CHSY3: variants seen among roughly 807,000 people sequenced by gnomAD.
CHSY3 encodes N-acetylgalactosaminyl-proteoglycan 3-beta-glucuronosyltransferase 3.
In CHSY3, 35 loss-of-function variants were observed where a neutral mutation model predicts 67.2. The ratio of observed to expected loss-of-function variants is 0.52; its 90% CI spans 0.40 to 0.69. The LOEUF (loss-of-function observed/expected upper bound fraction) is 0.69. Among genes scored for constraint, CHSY3 ranks in the 30% least tolerant of loss-of-function variants. The pLI is 0.00. For synonymous variants in CHSY3, 474 were observed against 434.7 expected (o/e 1.09, Z -1.12); for missense variants, 1,069 against 1,138.5 (o/e 0.94, Z 0.88).
chr5:130,091,109 G>T (rs796818399), intron 2 of CHSY3, among the ~76,000 whole-genome samples: 2 of 109,270 alleles, frequency 1.8e-5, no homozygotes, highest in Non-Finnish European at 3.5e-5. Context: ...GAACTTAAAC[G>T]CAACACACAC....
intron 2 of CHSY3, among the ~76,000 whole-genome samples, chr5:129,908,592 G>A (rs989912595): frequency 2.0e-5 from 3 of 151,966 alleles, no homozygotes; most frequent in African/African-American, 7.3e-5. Flanking sequence ...CTATACTTAT[G>A]GCCACATCTC....
chr5:130,075,887 T>C (rs1252320896), intron 2 of CHSY3, among the ~76,000 whole-genome samples: 1 of 152,148 alleles, frequency 6.6e-6, no homozygotes, highest in Non-Finnish European at 1.5e-5. Context: ...TATCATGTTT[T>C]CAAAAAGTAC....
At chr5:129,987,199 G>A (rs1044035408) in intron 2 of CHSY3, among the ~76,000 whole-genome samples, 1 of 152,140 alleles carries the variant, frequency 6.6e-6, no homozygotes, top group East Asian at 1.9e-4. Context: ...ATTCAGCTTG[G>A]TGGTAGAAGG....
intron 2 of CHSY3, among the ~76,000 whole-genome samples, chr5:130,104,373 C>T (rs1308592823): frequency 6.6e-6 from 1 of 151,822 alleles, no homozygotes; most frequent in Non-Finnish European, 1.5e-5. Flanking sequence ...AATTAACACC[C>T]TTGATCAAAT....
intron 2 of CHSY3, among the ~76,000 whole-genome samples, chr5:129,925,224 A>G (rs972175922): frequency 1.3e-4 from 20 of 152,160 alleles, no homozygotes; most frequent in African/African-American, 4.6e-4. Flanking sequence ...GAATATCTAG[A>G]CTAAGGCCTT....
intron 2 of CHSY3, 85 bp from the exon 3 acceptor site, chr5:130,184,144 A>T (rs1396028936): frequency 7.9e-7 from 1 of 1,260,310 alleles, no homozygotes; most frequent in East Asian, 2.8e-5. Context: ...TAACATTTTC[A>T]TTTAGATGCT....
rs73239973 is a variant in CHSY3 at position 129,906,216 on chromosome 5, A to G, written c.802+585A>G. On this transcript the variant is annotated intron_variant, in intron 1 of 2. Transcript: ENST00000305031. Reference sequence around the variant, plus strand: ...TCCCTTCCCTTTGGCTCAACTCTCCACATACTGGGAGTCCTTGGCCATCCC... The same window carrying G: ...TCCCTTCCCTTTGGCTCAACTCTCCGCATACTGGGAGTCCTTGGCCATCCC... Among the ~76,000 whole-genome samples the G allele has an allele frequency of 9.7e-3, 1,468 of 151,894 alleles. 22 individuals are homozygous for G. Among genetic ancestry groups the G allele is most frequent in the African/African-American group, 0.034 (1,391 of 41,402 alleles).
At chr5:129,972,994 ATGG>A (rs2149615190) in intron 2 of CHSY3, among the ~76,000 whole-genome samples, 1 of 152,022 alleles carries the variant, frequency 6.6e-6, no homozygotes, top group African/African-American at 2.4e-5. Flanking sequence ...ATGCTTTTTC[ATGG>A]TGAGTTTTAT....
At chr5:130,100,996 G>C (rs1450338136) in intron 2 of CHSY3, among the ~76,000 whole-genome samples, 1 of 152,186 alleles carries the variant, frequency 6.6e-6, no homozygotes, top group Non-Finnish European at 1.5e-5. Context: ...GGTCGCCCCA[G>C]AGGTATAAAT....
intron 2 of CHSY3, among the ~76,000 whole-genome samples, chr5:130,183,136 A>T (rs998392976): frequency 7.4e-5 from 11 of 148,236 alleles, no homozygotes; most frequent in South Asian, 4.3e-4. Flanking sequence ...CCTTCTTTTT[A>T]TTGTTCATAA....
At chr5:130,067,554 T>G (rs1470755371) in intron 2 of CHSY3, among the ~76,000 whole-genome samples, 1 of 152,100 alleles carries the variant, frequency 6.6e-6, no homozygotes, top group Non-Finnish European at 1.5e-5. Flanking sequence ...TTAGCAGAGT[T>G]AAAGCAGTAA....
chr5:130,185,146 C>T lies in CHSY3; in HGVS notation c.2004C>T (p.Ser668=). ...LFSRDSGQDS[S]KHIELIKGYQ... is the part of the protein sequence containing the mutation. ...GTAGGGATTCTGGCCAAGACTCCAG[C>T]AAGCATATTGAGCTGATAAAAGGGT... is the stretch of plus-strand genomic sequence containing the variant. The change falls in exon 3 of 3, where the codon AGC becomes AGT. Residue 668 remains serine, a synonymous_variant. Coordinates refer to ENST00000305031, the MANE Select transcript of CHSY3 (RefSeq NM_175856.5). 1 of 1,602,130 alleles carries T rather than the reference C, an allele frequency of 6.2e-7. No individual in the cohort carries two copies. Among genetic ancestry groups the T allele is most frequent in the South Asian group, 1.1e-5 (1 of 90,840 alleles).
intron 2 of CHSY3, among the ~76,000 whole-genome samples, chr5:130,118,414 C>T (rs1238886467): frequency 6.6e-6 from 1 of 151,948 alleles, no homozygotes; most frequent in East Asian, 1.9e-4. Flanking sequence ...TGCACATCTA[C>T]AATTACTACA....
At chr5:129,996,777 C>T (rs1252278644) in intron 2 of CHSY3, among the ~76,000 whole-genome samples, 2 of 152,002 alleles carry the variant, frequency 1.3e-5, no homozygotes, top group Non-Finnish European at 2.9e-5. Flanking sequence ...ACACACACTC[C>T]TACATCATTT....
chr5:130,114,909 G>A (rs1767734922), intron 2 of CHSY3, among the ~76,000 whole-genome samples: 1 of 152,086 alleles, frequency 6.6e-6, no homozygotes, highest in Non-Finnish European at 1.5e-5. Context: ...GACTCCTGAA[G>A]ATGCCACTCA....
intron 2 of CHSY3, among the ~76,000 whole-genome samples, chr5:130,168,697 A>G (rs1769816621): frequency 6.6e-6 from 1 of 152,058 alleles, no homozygotes; most frequent in Non-Finnish European, 1.5e-5. Context: ...TTACTTTATT[A>G]AAAATTAATT....
At chr5:130,172,937 A>G (rs1769935963) in intron 2 of CHSY3, among the ~76,000 whole-genome samples, 1 of 152,202 alleles carries the variant, frequency 6.6e-6, no homozygotes, top group African/African-American at 2.4e-5. Flanking sequence ...GGATTTCAAA[A>G]GGAAAAGAAA....
In CHSY3 at chr5:130,000,736, T is replaced by C. The variant is rs1395282150; in HGVS notation, c.1086+92376T>C. On this transcript the variant is annotated intron_variant, in intron 2 of 2. Transcript: ENST00000305031. ...TACAAATGTGTAACTTTTCTTCTTT[T>C]TTTTTTTTTTTTTTTTTTTTTTGTA... 3.8e-4 allele frequency among the ~76,000 whole-genome samples: 48 copies of C among 126,524 alleles called. No homozygotes were observed. In the East Asian group the frequency reaches 4.4e-3, roughly 12 times the overall value. The allele number at this position is 126,524 out of a possible 152,430, so 83.0% of individuals were successfully genotyped here.
intron 2 of CHSY3, among the ~76,000 whole-genome samples, chr5:129,925,178 C>T (rs889057786): frequency 1.3e-5 from 2 of 152,032 alleles, no homozygotes; most frequent in Admixed American, 1.3e-4. Context: ...CATTTGAGCC[C>T]AGAAGTAAAG....
Sources: gnomAD v4.1 joint callset for allele counts (sites outside exome capture counted in the v4.1 genomes callset) on GRCh38, gnomAD v4.1.1 for gene constraint, MANE v1.5 for transcripts, NCBI Gene and HGNC (gene_info 2026-07-23, HGNC 2026-07-21) for gene names.